ITGA8: variants seen among roughly 807,000 people sequenced by gnomAD.
ITGA8 encodes the protein integrin alpha-8.
Under a neutral mutation model 142.3 loss-of-function variants are expected in ITGA8, and 91 were observed. The observed-to-expected ratio is 0.64, with a 90% CI of 0.54 to 0.76. The LOEUF (loss-of-function observed/expected upper bound fraction) is 0.76, where lower values mean the gene tolerates loss of function less well. Among genes scored for constraint, ITGA8 ranks in the 30% least tolerant of loss-of-function variants. The pLI is 0.00. For missense variants in ITGA8, 1,406 were observed against 1,327.7 expected (o/e 1.06, Z -0.92); for synonymous variants, 505 against 485.2 (o/e 1.04, Z -0.54).
intron 13 of ITGA8, among the ~76,000 whole-genome samples, chr10:15,634,228 C>G (rs1437906069): frequency 6.6e-6 from 1 of 152,092 alleles, no homozygotes; most frequent in Non-Finnish European, 1.5e-5. Context: ...TATTACAGTT[C>G]ATTGTTGGAT....
At chr10:15,603,063 CA>C (rs1400503049) in intron 20 of ITGA8, among the ~76,000 whole-genome samples, 1 of 151,738 alleles carries the variant, frequency 6.6e-6, no homozygotes, top group Non-Finnish European at 1.5e-5. Flanking sequence ...ATTTCTTCAA[CA>C]GATACTCAAG....
At chr10:15,702,549 C>G (rs1835184088) in intron 2 of ITGA8, among the ~76,000 whole-genome samples, 1 of 152,144 alleles carries the variant, frequency 6.6e-6, no homozygotes, top group East Asian at 1.9e-4. Flanking sequence ...CCTCGGCCTC[C>G]CAAAGTGCTG....
At chr10:15,586,307 C>T (rs1832831317) in intron 23 of ITGA8, among the ~76,000 whole-genome samples, 1 of 152,084 alleles carries the variant, frequency 6.6e-6, no homozygotes, top group Non-Finnish European at 1.5e-5. Flanking sequence ...GATCTGCTCA[C>T]TTTGGCCTCC....
intron 13 of ITGA8, among the ~76,000 whole-genome samples, chr10:15,639,326 T>C (rs1030793015): frequency 1.3e-5 from 2 of 152,118 alleles, no homozygotes; most frequent in African/African-American, 4.8e-5. Context: ...CTGACTCCTG[T>C]AGACCTGGAA....
At chr10:15,536,785 G>C (rs1255338230) in intron 27 of ITGA8, among the ~76,000 whole-genome samples, 1 of 152,080 alleles carries the variant, frequency 6.6e-6, no homozygotes, top group African/African-American at 2.4e-5. Context: ...ATGCACTTTT[G>C]CACAATGATT....
chr10:15,525,707 T>C (rs1018639875), intron 28 of ITGA8, among the ~76,000 whole-genome samples: 1 of 142,290 alleles, frequency 7.0e-6, no homozygotes, highest in Non-Finnish European at 1.5e-5. Context: ...TTTAATAACA[T>C]AGTTTATCTA....
At chr10:15,688,394 C>A (rs1834872814) in intron 2 of ITGA8, among the ~76,000 whole-genome samples, 1 of 151,796 alleles carries the variant, frequency 6.6e-6, no homozygotes, top group South Asian at 2.1e-4. Flanking sequence ...TCACTTGAAC[C>A]CAGGAGGTGG....
intron 10 of ITGA8, among the ~76,000 whole-genome samples, 166 bp downstream of exon 10, chr10:15,658,832 GA>G (rs1226157357): frequency 3.9e-5 from 6 of 152,148 alleles, no homozygotes; most frequent in Non-Finnish European, 8.8e-5. Flanking sequence ...AGCTGGATGG[GA>G]TCTGTCTGTC....
intron 2 of ITGA8, among the ~76,000 whole-genome samples, chr10:15,698,120 T>A (rs1588734063): frequency 6.6e-6 from 1 of 152,346 alleles, no homozygotes; most frequent in South Asian, 2.1e-4. Flanking sequence ...CTTTGCATCC[T>A]CATAGCTTAG....
At chr10:15,611,524 C>G (rs1282814735) in intron 15 of ITGA8, 2 of 146,650 alleles carry the variant, frequency 1.4e-5, no homozygotes, top group Non-Finnish European at 3.0e-5. Flanking sequence ...CAGAGTCTCC[C>G]TCTGTCACCC....
intron 4 of ITGA8, among the ~76,000 whole-genome samples, chr10:15,679,524 G>A (rs1444681552): frequency 6.6e-6 from 1 of 152,192 alleles, no homozygotes. Context: ...GGAGGTTGCA[G>A]TGAGCCGAGA....
chr10:15,517,031 C>A lies in ITGA8; in HGVS notation c.*127G>T. On this transcript the variant is annotated 3_prime_UTR_variant, in exon 30 of 30. Coordinates refer to ENST00000378076, the MANE Select transcript of ITGA8 (RefSeq NM_003638.3). ...TGCGGTGTAGATGAGGTGATGTTTC[C>A]AGGGTCCCCTCCATTTCCTGGGTCA... 2.1e-6 allele frequency: 1 copy of A among 483,574 alleles called. No homozygotes were observed. Among genetic ancestry groups the A allele is most frequent in the Non-Finnish European group, 3.4e-6 (1 of 294,110 alleles). 30.0% of individuals were successfully genotyped at this position (483,574 alleles called of 1,614,324 possible). A position where few individuals can be genotyped will look rare whatever the true frequency, so the allele number is the denominator to read the frequency against.
In ITGA8 at chr10:15,656,523, C is replaced by A. The variant is rs574498693; in HGVS notation, c.949-1117G>T. On this transcript the variant is annotated intron_variant, in intron 10 of 29. Transcript: ENST00000378076. ...GGATTACAGGTACCTGCCACCATGCCCAGCTAATTTTTCTATTTTTAGTAG... is the reference window on the plus strand; with the variant it reads ...GGATTACAGGTACCTGCCACCATGCACAGCTAATTTTTCTATTTTTAGTAG... Among the ~76,000 whole-genome samples, 370 of 152,064 alleles carry A rather than the reference C, an allele frequency of 2.4e-3. 1 individual carries two copies. Among genetic ancestry groups the A allele is most frequent in the African/African-American group, 8.5e-3 (353 of 41,470 alleles).
intron 13 of ITGA8, among the ~76,000 whole-genome samples, chr10:15,632,826 G>A (rs773420535): frequency 5.3e-5 from 8 of 151,960 alleles, no homozygotes; most frequent in Non-Finnish European, 8.8e-5. Context: ...TAGACAGTGG[G>A]ATCTCTTGAG....
intron 13 of ITGA8, among the ~76,000 whole-genome samples, chr10:15,618,552 G>A (rs141458795): frequency 0.018 from 2,690 of 152,278 alleles, 73 homozygotes; most frequent in African/African-American, 0.061. Flanking sequence ...TGTCTGTGAG[G>A]GTGTTGCCAA....
At chr10:15,580,126 T>TAAAAAAAAAAAAAAAAAAAG (rs1834379655) in intron 23 of ITGA8, among the ~76,000 whole-genome samples, 2 of 108,900 alleles carry the variant, frequency 1.8e-5, no homozygotes, top group Admixed American at 9.5e-5. Context: ...TCAGAAAATG[T>TAAAAAAAAAAAAAAAAAAAG]AAAAAAAAAA....
intron 13 of ITGA8, among the ~76,000 whole-genome samples, chr10:15,643,770 C>T (rs1186424781): frequency 6.6e-6 from 1 of 152,208 alleles, no homozygotes; most frequent in Non-Finnish European, 1.5e-5. Context: ...GTGAAGTTGA[C>T]AAGTTTTATG....
intron 2 of ITGA8, among the ~76,000 whole-genome samples, chr10:15,692,000 G>A (rs910434451): frequency 2.0e-5 from 3 of 152,046 alleles, no homozygotes; most frequent in Admixed American, 6.6e-5. Flanking sequence ...GCAGTGGCAC[G>A]ATCACAGTTC....
Position 15,659,006 on chromosome 10 carries a change from C to T in ITGA8, c.941G>A (p.Gly314Glu). ...TDMTFIQNFTGEQMASYFGYT... is the reference protein window; with the variant it reads ...TDMTFIQNFTEEQMASYFGYT... ...ATATTAAAATGTCTCTACCTGTTCT[C>T]CCGTGAAATTCTGAATAAACGTCAT... Residue 314 changes from glycine (G) to glutamate (E), a missense_variant, in exon 10 of 30, where the codon GGA (glycine) becomes GAA (glutamate). Physicochemically the swap from Gly to Glu is moderately conservative, Grantham distance 98. Coordinates refer to ENST00000378076, the MANE Select transcript of ITGA8 (RefSeq NM_003638.3). The T allele has an allele frequency of 6.3e-7, 1 of 1,596,592 alleles. No homozygotes were observed. Among genetic ancestry groups the T allele is most frequent in the Non-Finnish European group, 8.6e-7 (1 of 1,166,784 alleles).
Sources: allele counts gnomAD v4.1 joint callset (sites outside exome capture counted in the v4.1 genomes callset), GRCh38; gene constraint gnomAD v4.1.1; transcripts MANE v1.5; gene names NCBI Gene and HGNC (gene_info 2026-07-23, HGNC 2026-07-21).